The following CDH18 variants were observed in gnomAD, a reference collection of about 807,000 sequenced individuals.
CDH18 encodes the protein cadherin-18.
In CDH18, 31 loss-of-function variants were observed where a neutral mutation model predicts 67.9. The ratio of observed to expected loss-of-function variants is 0.46; its 90% CI spans 0.34 to 0.62. The LOEUF (loss-of-function observed/expected upper bound fraction) is 0.62, where lower values mean the gene tolerates loss of function less well. Ranked by LOEUF, CDH18 falls within the 20% of genes least tolerant of loss-of-function variation. CDH18 has a pLI of 0.01. For synonymous variants in CDH18, 362 were observed against 347.2 expected, an observed-to-expected ratio of 1.04 and a Z score of -0.48; for missense variants, 890 against 975.5, an observed-to-expected ratio of 0.91 and a Z score of 1.17.
chr5:19,946,279 G>A (rs560401711), intron 2 of CDH18, among the ~76,000 whole-genome samples: 1 of 152,134 alleles, frequency 6.6e-6, no homozygotes, highest in African/African-American at 2.4e-5. Context: ...GGAAGGAAGG[G>A]GAAATAAACA....
At position 19,951,226 on chromosome 5, in the gene CDH18, C is replaced by G. The variant is rs139175300; in HGVS notation, c.-257+29834G>C. ...TAATGCATCAGCTAAGTATTTTTCT[C>G]TCTGGGTAAGGCACTTAAATTCTCT... On this transcript the variant is annotated intron_variant, in intron 2 of 12. Coordinates refer to ENST00000382275, the MANE Select transcript of CDH18 (RefSeq NM_004934.5). Among the ~76,000 whole-genome samples, 7 of 152,206 alleles carry G rather than the reference C, an allele frequency of 4.6e-5. No homozygotes were observed. In the East Asian group the frequency reaches 1.4e-3, roughly 29 times the overall value.
chr5:19,791,509 T>C (rs950888348), intron 3 of CDH18, among the ~76,000 whole-genome samples: 1 of 152,188 alleles, frequency 6.6e-6, no homozygotes, highest in Non-Finnish European at 1.5e-5. Flanking sequence ...TAAGGATATG[T>C]TAACTTTCTG....
intron 1 of CDH18, among the ~76,000 whole-genome samples, chr5:20,416,749 C>G (rs1489430779): frequency 2.0e-5 from 3 of 152,056 alleles, no homozygotes; most frequent in Admixed American, 6.6e-5. Flanking sequence ...AAAGTCTACA[C>G]TCACTTAATT....
chr5:19,670,883 A>C (rs1274609173), intron 5 of CDH18, among the ~76,000 whole-genome samples: 1 of 152,158 alleles, frequency 6.6e-6, no homozygotes, highest in African/African-American at 2.4e-5. Flanking sequence ...AATATAAGGA[A>C]GTGAAATAAA....
intron 9 of CDH18, among the ~76,000 whole-genome samples, chr5:19,528,404 ATAAT>A (rs1748075768): frequency 6.6e-6 from 1 of 151,700 alleles, no homozygotes; most frequent in South Asian, 2.1e-4. Flanking sequence ...CAATCTAATT[ATAAT>A]AAAAATTTCC....
chr5:20,559,405 C>A (rs894919966), intron 1 of CDH18, among the ~76,000 whole-genome samples: 1 of 151,994 alleles, frequency 6.6e-6, no homozygotes, highest in African/African-American at 2.4e-5. Flanking sequence ...TAATGAGTGT[C>A]ATTTTTGCAG....
intron 2 of CDH18, among the ~76,000 whole-genome samples, chr5:20,071,813 C>T (rs1743502532): frequency 6.6e-6 from 1 of 152,002 alleles, no homozygotes; most frequent in Admixed American, 6.6e-5. Flanking sequence ...AAACAGTAAC[C>T]TTTTGACATA....
At chr5:19,558,392 A>C (rs565965598) in intron 8 of CDH18, among the ~76,000 whole-genome samples, 2 of 152,232 alleles carry the variant, frequency 1.3e-5, no homozygotes, top group African/African-American at 4.8e-5. Context: ...AAAATGATAG[A>C]TCATTAGTGA....
chr5:20,389,780 CA>C (rs1562024906), intron 1 of CDH18, among the ~76,000 whole-genome samples: 1 of 151,934 alleles, frequency 6.6e-6, no homozygotes, highest in Admixed American at 6.6e-5. Flanking sequence ...GTACTGGTAC[CA>C]AAACAGAGAT....
Position 20,050,842 on chromosome 5 carries a change from G to A in CDH18, c.-517-58828C>T, listed in dbSNP as rs138138931. 2.5e-3 allele frequency among the ~76,000 whole-genome samples: 378 copies of A among 151,830 alleles called. 5 individuals are homozygous for A. The highest frequency in any genetic ancestry group is 5.3e-4 in the Non-Finnish European group (36 of 67,770). On this transcript the variant is annotated intron_variant, in intron 2 of 14. Transcript: ENST00000507958. ...CCTATGAATGTCAGGACACAGCCTG[G>A]CATTTAGCCTTCAGAAATCAAGTCT... is the stretch of plus-strand genomic sequence containing the variant.
intron 3 of CDH18, among the ~76,000 whole-genome samples, chr5:19,769,059 G>A (rs1365083117): frequency 6.6e-6 from 1 of 151,822 alleles, no homozygotes; most frequent in Non-Finnish European, 1.5e-5. Context: ...AAAATAAACA[G>A]CATATAAGAT....
intron 2 of CDH18, among the ~76,000 whole-genome samples, chr5:19,883,551 T>C (rs1433965708): frequency 6.6e-6 from 1 of 152,060 alleles, no homozygotes. Context: ...TTTTGTCCAG[T>C]ATTACATTTT....
chr5:19,704,064 T>C (rs947445117), intron 5 of CDH18, among the ~76,000 whole-genome samples: 1 of 152,172 alleles, frequency 6.6e-6, no homozygotes, highest in Non-Finnish European at 1.5e-5. Context: ...GATTGTGTCA[T>C]ATGTGGAAAT....
At chr5:20,397,662 C>T (rs1745397501) in intron 1 of CDH18, among the ~76,000 whole-genome samples, 1 of 151,964 alleles carries the variant, frequency 6.6e-6, no homozygotes, top group Admixed American at 6.6e-5. Flanking sequence ...ACATTTGTAA[C>T]GTTATATTTT....
chr5:20,055,507 C>T (rs1741821896), intron 2 of CDH18, among the ~76,000 whole-genome samples: 1 of 152,232 alleles, frequency 6.6e-6, no homozygotes, highest in Non-Finnish European at 1.5e-5. Flanking sequence ...AAACTTTCCA[C>T]AGCAGGAAAG....
intron 3 of CDH18, among the ~76,000 whole-genome samples, chr5:19,825,958 G>A (rs1166048689): frequency 6.6e-6 from 1 of 152,060 alleles, no homozygotes; most frequent in Non-Finnish European, 1.5e-5. Context: ...GGAGAAAGTT[G>A]AAACCCAATC....
At chr5:19,953,891 T>G (rs540038630) in intron 2 of CDH18, among the ~76,000 whole-genome samples, 32 of 152,114 alleles carry the variant, frequency 2.1e-4, no homozygotes, top group Middle Eastern at 3.4e-3. Flanking sequence ...GAAAAAAGAT[T>G]TAATTAAGCT....
intron 2 of CDH18, among the ~76,000 whole-genome samples, chr5:20,167,564 T>C (rs1357458397): frequency 3.3e-5 from 5 of 152,064 alleles, no homozygotes; most frequent in Non-Finnish European, 7.4e-5. Flanking sequence ...ACTTGGTGCA[T>C]AGTAGGCAAT....
chr5:20,117,269 A>C (rs1748002387), intron 2 of CDH18, among the ~76,000 whole-genome samples: 1 of 152,194 alleles, frequency 6.6e-6, no homozygotes, highest in Admixed American at 6.5e-5. Context: ...CAAGGAAAGC[A>C]GAGTAATCTG....
Sources: gnomAD v4.1 joint callset for allele counts (sites outside exome capture counted in the v4.1 genomes callset) on GRCh38, gnomAD v4.1.1 for gene constraint, MANE v1.5 for transcripts, NCBI Gene and HGNC (gene_info 2026-07-23, HGNC 2026-07-21) for gene names.